Variants in NLRP1 observed in about 807,000 individuals in gnomAD.
The protein encoded by NLRP1 is NLR family pyrin domain containing 1, also known as NACHT, LRR and PYD domains-containing protein 1.
A neutral mutation model predicts 136.7 loss-of-function variants in NLRP1; 94 were observed. The ratio of observed to expected loss-of-function variants is 0.69; its 90% CI spans 0.58 to 0.82. NLRP1 has a LOEUF of 0.82. Ranked by LOEUF, NLRP1 falls within the 40% of genes least tolerant of loss-of-function variation. The pLI is 0.00. For synonymous variants in NLRP1, 690 were observed against 725.1 expected (o/e 0.95, Z 0.78); for missense variants, 1,575 against 1,802.7 (o/e 0.87, Z 2.29).
intron 15 of NLRP1, chr17:5,505,193 T>G (rs536468021): frequency 6.6e-6 from 1 of 152,402 alleles, no homozygotes; most frequent in African/African-American, 2.4e-5. Flanking sequence ...CACTAGGATG[T>G]GCCTGGATAA....
In NLRP1 at chr17:5,558,624, T is replaced by A; in HGVS notation, c.2072A>T (p.His691Leu). The change falls in exon 4 of 17, where the codon CAC (histidine) becomes CTC (leucine). Residue 691 changes from histidine to leucine, a missense_variant. Physicochemically the swap from His to Leu is moderately conservative, Grantham distance 99. Coordinates refer to ENST00000572272, the MANE Select transcript of NLRP1 (RefSeq NM_033004.4). ...EGEREMENIF[H>L]CRLSQGRNLM... ...GTTCCTCCCCTGAGACAGCCGGCAGTGAAAGATGTTCTCCATCTCTCTCTC... is the reference window on the plus strand; with the variant it reads ...GTTCCTCCCCTGAGACAGCCGGCAGAGAAAGATGTTCTCCATCTCTCTCTC... 6.2e-7 allele frequency: 1 copy of A among 1,614,102 alleles called. No homozygotes were observed. The highest frequency in any genetic ancestry group is 8.5e-7 in the Non-Finnish European group (1 of 1,180,000).
intron 12 of NLRP1, among the ~76,000 whole-genome samples, chr17:5,527,822 G>A (rs1205203979): frequency 6.6e-6 from 1 of 152,190 alleles, no homozygotes; most frequent in Non-Finnish European, 1.5e-5. Context: ...CACTCGGAGG[G>A]TCACCCAATT....
chr17:5,523,312 CA>C (rs1909132014), intron 12 of NLRP1, among the ~76,000 whole-genome samples: 1 of 151,948 alleles, frequency 6.6e-6, no homozygotes, highest in Non-Finnish European at 1.5e-5. Context: ...AAACAAAAAA[CA>C]AAATACCAGA....
At chr17:5,562,242 C>T (rs1914841346) in intron 3 of NLRP1, among the ~76,000 whole-genome samples, 1 of 152,250 alleles carries the variant, frequency 6.6e-6, no homozygotes, top group African/African-American at 2.4e-5. Context: ...ACCCCACCCA[C>T]TTCTGCAGAT....
chr17:5,582,533 C>T, intron 2 of NLRP1, 137 bp downstream of exon 2: 1 of 790,116 alleles, frequency 1.3e-6, no homozygotes. Context: ...CCTCTCACAG[C>T]CCATCCTGGC....
intron 15 of NLRP1, among the ~76,000 whole-genome samples, chr17:5,507,179 G>A (rs9898090): frequency 0.28 from 42,667 of 151,960 alleles, 6,454 homozygotes; most frequent in African/African-American, 0.4. Context: ...AGTGGTGATC[G>A]TTGCACGTCG....
intron 3 of NLRP1, among the ~76,000 whole-genome samples, chr17:5,580,247 A>AAAAAACAAAAAACAAC (rs1905475631): frequency 6.6e-6 from 1 of 152,044 alleles, no homozygotes; most frequent in African/African-American, 2.4e-5. Context: ...AACAAAACAC[A>AAAAAACAAAAAACAAC]ACAAAAAACA....
At chr17:5,543,748 G>T (rs895910409) in intron 5 of NLRP1, among the ~76,000 whole-genome samples, 4 of 152,104 alleles carry the variant, frequency 2.6e-5, no homozygotes, top group Non-Finnish European at 4.4e-5. Flanking sequence ...GGGAGGATGA[G>T]CAACTGTCAG....
intron 11 of NLRP1, among the ~76,000 whole-genome samples, chr17:5,532,378 T>A (rs1910412440): frequency 6.6e-6 from 1 of 152,242 alleles, no homozygotes; most frequent in Non-Finnish European, 1.5e-5. Flanking sequence ...TTGTCAGATG[T>A]GATATTGGCA....
At chr17:5,560,168 T>C in intron 3 of NLRP1, 125 bp from the exon 4 acceptor site, 1 of 886,312 alleles carries the variant, frequency 1.1e-6, no homozygotes, top group Non-Finnish European at 1.6e-6. Flanking sequence ...CACTGGTATG[T>C]TCTTGCCATG....
intron 12 of NLRP1, among the ~76,000 whole-genome samples, chr17:5,525,358 C>T (rs1047748872): frequency 6.6e-6 from 1 of 152,238 alleles, no homozygotes; most frequent in African/African-American, 2.4e-5. Context: ...GACAAGTGCT[C>T]CGCCAATGGA....
At chr17:5,526,967 C>T (rs886359527) in intron 12 of NLRP1, among the ~76,000 whole-genome samples, 3 of 152,210 alleles carry the variant, frequency 2.0e-5, no homozygotes, top group Non-Finnish European at 4.4e-5. Context: ...GTGCCCAAGT[C>T]CTAAATCAGA....
chr17:5,521,599 C>A lies in NLRP1; in HGVS notation c.3708G>T (p.Leu1236Phe). ...CCTCAGGATGGACGCGGTGGTAAAG[C>A]AACACCACAGAGGTGACGGGAATGA... ...LRFIPVTSVV[L>F]LYHRVHPEEV... The change falls in exon 13 of 17, where the codon TTG (leucine) becomes TTT (phenylalanine). Residue 1236 changes from leucine (L) to phenylalanine (F), a missense_variant. By Grantham distance (22) the Leu-to-Phe change is conservative. Transcript: ENST00000572272. 6.2e-7 allele frequency: 1 copy of A among 1,614,092 alleles called. No homozygotes were observed. The highest frequency in any genetic ancestry group is 1.1e-5 in the South Asian group (1 of 91,086).
Position 5,559,736 on chromosome 17 carries a change from T to A in NLRP1, c.960A>T (p.Pro320=), listed in dbSNP as rs752767339. The A allele has an allele frequency of 1.2e-6, 2 of 1,614,272 alleles. No homozygotes were observed. Among genetic ancestry groups the A allele is most frequent in the Admixed American group, 3.3e-5 (2 of 60,034 alleles). ...TGCGAGGTTCTTGGGTATCCAGGCC[T>A]GGGCCAAATAAGTCTCTGATCTCAA... The part of the protein sequence containing the change: ...HLIEIRDLFG[P]GLDTQEPRIV... The change falls in exon 4 of 17, where the codon CCA becomes CCT. Residue 320 remains proline (P), a synonymous_variant. Transcript: ENST00000572272.
Position 5,534,008 on chromosome 17 carries a change from T to C in NLRP1, c.2961-20A>G. ...GGTTTCCTGGACAAAGAATTGTTCA[T>C]TCTGCCTAAGATCTTGGAGGAAGCG... On this transcript the variant is annotated intron_variant, in intron 8 of 16. Coordinates refer to ENST00000572272, the MANE Select transcript of NLRP1 (RefSeq NM_033004.4). The C allele has an allele frequency of 6.5e-7, 1 of 1,548,714 alleles. No homozygotes were observed. Among genetic ancestry groups the C allele is most frequent in the Non-Finnish European group, 8.9e-7 (1 of 1,120,334 alleles).
intron 5 of NLRP1, among the ~76,000 whole-genome samples, chr17:5,546,535 T>A (rs1912684497): frequency 6.6e-6 from 1 of 152,178 alleles, no homozygotes; most frequent in South Asian, 2.1e-4. Context: ...CAATTTCTCC[T>A]TTGTCTGCGT....
chr17:5,514,444 G>T lies in NLRP1; in HGVS notation c.*310C>A. The T allele has an allele frequency of 8.3e-7, 1 of 1,209,118 alleles. No individual in the cohort carries two copies. Among genetic ancestry groups the T allele is most frequent in the African/African-American group, 1.5e-5 (1 of 64,858 alleles). 74.9% of individuals were successfully genotyped at this position (1,209,118 alleles called of 1,614,324 possible). Reference sequence around the variant, plus strand: ...CCATGTCCCTCCTATTCCTCTTTGCGCCTGGATGGGATCCGGAGGGCTCTA... The same window carrying T: ...CCATGTCCCTCCTATTCCTCTTTGCTCCTGGATGGGATCCGGAGGGCTCTA... On this transcript the variant is annotated 3_prime_UTR_variant, in exon 17 of 17. Coordinates refer to ENST00000572272, the MANE Select transcript of NLRP1 (RefSeq NM_033004.4).
exon 16 of NLRP1, chr17:5,501,791 G>C (rs779427897): frequency 6.2e-7 from 1 of 1,607,894 alleles, no homozygotes; most frequent in African/African-American, 1.3e-5. Flanking sequence ...GGCTTCATTG[G>C]TACTGCCGCA....
At chr17:5,536,445 C>CTTTTTTTTTT (rs773821415) in intron 8 of NLRP1, among the ~76,000 whole-genome samples, 1 of 77,770 alleles carries the variant, frequency 1.3e-5, no homozygotes, top group African/African-American at 5.3e-5. Context: ...CCATGCCCGG[C>CTTTTTTTTTT]TTTTTTTTTT....
Sources: allele counts gnomAD v4.1 joint callset (sites outside exome capture counted in the v4.1 genomes callset), GRCh38; gene constraint gnomAD v4.1.1; transcripts MANE v1.5; gene names NCBI Gene and HGNC (gene_info 2026-07-23, HGNC 2026-07-21).